Variants in COL25A1 observed in about 807,000 individuals in gnomAD.
The protein encoded by COL25A1 is collagen alpha-1(XXV) chain.
A neutral mutation model predicts 128.4 loss-of-function variants in COL25A1; 103 were observed. The observed-to-expected ratio is 0.80, with a 90% CI of 0.68 to 0.94. The LOEUF (loss-of-function observed/expected upper bound fraction) is 0.94. COL25A1 is among the 40% of genes least tolerant of loss of function. The pLI, the probability that COL25A1 is intolerant of heterozygous loss-of-function variation, is 0.00. For missense variants in COL25A1, 745 were observed against 840.0 expected (o/e 0.89, Z 1.40); for synonymous variants, 279 against 277.2 (o/e 1.01, Z -0.06).
At chr4:108,930,800 A>G (rs1269595772) in intron 11 of COL25A1, among the ~76,000 whole-genome samples, 1 of 152,214 alleles carries the variant, frequency 6.6e-6, no homozygotes, top group African/African-American at 2.4e-5. Context: ...TATTTTACTG[A>G]ACAGTTTTAT....
intron 3 of COL25A1, among the ~76,000 whole-genome samples, chr4:109,230,776 T>C (rs1366960373): frequency 6.6e-6 from 1 of 152,172 alleles, no homozygotes; most frequent in Non-Finnish European, 1.5e-5. Context: ...GAAATAGATA[T>C]CTATGACCTA....
At chr4:108,896,316 T>A (rs1414851383) in intron 16 of COL25A1, among the ~76,000 whole-genome samples, 3 of 152,062 alleles carry the variant, frequency 2.0e-5, no homozygotes, top group Admixed American at 2.0e-4. Flanking sequence ...ACTGAATCAC[T>A]TTAGGGTCCC....
At chr4:109,066,913 C>A (rs1762500624) in intron 3 of COL25A1, among the ~76,000 whole-genome samples, 2 of 152,162 alleles carry the variant, frequency 1.3e-5, no homozygotes, top group African/African-American at 4.8e-5. Flanking sequence ...TCAGGCAATC[C>A]TCCCAACTCA....
At chr4:109,045,680 T>C (rs1252601814) in intron 5 of COL25A1, among the ~76,000 whole-genome samples, 2 of 152,170 alleles carry the variant, frequency 1.3e-5, no homozygotes, top group Non-Finnish European at 2.9e-5. Flanking sequence ...TAGGGTTGTA[T>C]TGTATTAGTA....
At chr4:109,269,089 C>T (rs1343568525) in intron 3 of COL25A1, among the ~76,000 whole-genome samples, 6 of 120,658 alleles carry the variant, frequency 5.0e-5, no homozygotes, top group African/African-American at 1.9e-4. Flanking sequence ...CCCCTCCCCC[C>T]ACCCCACAAC....
At chr4:109,182,868 G>A (rs1448810454) in intron 3 of COL25A1, among the ~76,000 whole-genome samples, 2 of 151,834 alleles carry the variant, frequency 1.3e-5, no homozygotes, top group Non-Finnish European at 2.9e-5. Flanking sequence ...TACAATATAA[G>A]GGGAAAAAAG....
intron 3 of COL25A1, among the ~76,000 whole-genome samples, chr4:109,260,828 A>G (rs1047213107): frequency 3.3e-5 from 5 of 152,036 alleles, no homozygotes; most frequent in African/African-American, 1.2e-4. Context: ...TAAAAGTTTT[A>G]TATTAATTTC....
At chr4:108,851,107 T>A (rs1284946259) in intron 26 of COL25A1, among the ~76,000 whole-genome samples, 2 of 152,098 alleles carry the variant, frequency 1.3e-5, no homozygotes, top group Non-Finnish European at 2.9e-5. Flanking sequence ...CAGATTTCCT[T>A]CTAGGATATC....
intron 13 of COL25A1, among the ~76,000 whole-genome samples, chr4:108,903,573 A>G (rs1743110138): frequency 1.3e-5 from 2 of 151,844 alleles, no homozygotes; most frequent in Admixed American, 6.6e-5. Flanking sequence ...AAATATACTC[A>G]TTTTTCTGTC....
intron 3 of COL25A1, among the ~76,000 whole-genome samples, chr4:109,284,216 G>A (rs1356850984): frequency 2.0e-5 from 3 of 152,226 alleles, no homozygotes; most frequent in African/African-American, 4.8e-5. Flanking sequence ...CCTGAGGTCA[G>A]GTGTTTGAGA....
At chr4:109,253,453 C>T (rs895474856) in intron 3 of COL25A1, among the ~76,000 whole-genome samples, 40 of 152,280 alleles carry the variant, frequency 2.6e-4, no homozygotes, top group Admixed American at 1.0e-3. Context: ...TTTTCCCTTA[C>T]CCTGCCTTTT....
chr4:109,107,872 C>A (rs1285181304), intron 3 of COL25A1, among the ~76,000 whole-genome samples: 1 of 152,184 alleles, frequency 6.6e-6, no homozygotes, highest in Non-Finnish European at 1.5e-5. Context: ...ACACAGCTTA[C>A]CACTGAACAG....
chr4:108,925,391 TAA>T (rs1745930258), intron 11 of COL25A1, among the ~76,000 whole-genome samples: 1 of 152,024 alleles, frequency 6.6e-6, no homozygotes, highest in Non-Finnish European at 1.5e-5. Context: ...CTCTCAGTGA[TAA>T]AGAGGTCAGG....
At chr4:109,211,381 G>A (rs903843593) in intron 3 of COL25A1, among the ~76,000 whole-genome samples, 2 of 144,772 alleles carry the variant, frequency 1.4e-5, no homozygotes. Flanking sequence ...AGTTAGGAAG[G>A]GCAAGAGAGA....
intron 10 of COL25A1, 52 bp from the exon 11 acceptor site, chr4:108,937,895 A>C (rs1358548066): frequency 1.4e-6 from 2 of 1,455,966 alleles, no homozygotes; most frequent in South Asian, 2.5e-5. Flanking sequence ...TTTAAAAAAA[A>C]ACCCTTCAAT....
At chr4:109,231,096 G>A (rs1779136239) in intron 3 of COL25A1, among the ~76,000 whole-genome samples, 1 of 152,014 alleles carries the variant, frequency 6.6e-6, no homozygotes, top group Non-Finnish European at 1.5e-5. Flanking sequence ...CCGAGATAGA[G>A]TGCCACTGCA....
At chr4:108,817,345 G>C (rs1160422636) in intron 37 of COL25A1, 52 bp downstream of exon 37, 2 of 1,562,418 alleles carry the variant, frequency 1.3e-6, no homozygotes, top group Non-Finnish European at 1.8e-6. Context: ...GCTAGTCCAG[G>C]TTAAGAGAAA....
At chr4:108,824,140 T>A in intron 35 of COL25A1, 34 bp downstream of exon 35, 1 of 1,613,970 alleles carries the variant, frequency 6.2e-7, no homozygotes, top group Non-Finnish European at 8.5e-7. Context: ...AGGAGAAGAA[T>A]CAAACAAGGT....
chr4:108,859,077 G>T (rs995161741), intron 24 of COL25A1, among the ~76,000 whole-genome samples: 4 of 152,088 alleles, frequency 2.6e-5, no homozygotes, highest in Non-Finnish European at 5.9e-5. Flanking sequence ...TTAATAAGAA[G>T]AAAAGAATTA....
Sources: allele counts gnomAD v4.1 joint callset (sites outside exome capture counted in the v4.1 genomes callset), GRCh38; gene constraint gnomAD v4.1.1; transcripts MANE v1.5; gene names NCBI Gene and HGNC (gene_info 2026-07-23, HGNC 2026-07-21).